The following GRK5 variants were observed in gnomAD, a reference collection of about 807,000 sequenced individuals.
GRK5 encodes the protein G protein-coupled receptor kinase 5, also known as g protein-coupled receptor kinase GRK5.
A neutral mutation model predicts 78.4 loss-of-function variants in GRK5; 40 were observed. The observed-to-expected ratio is 0.51, with a 90% CI of 0.40 to 0.66. The LOEUF (loss-of-function observed/expected upper bound fraction) is 0.66. Among genes scored for constraint, GRK5 ranks in the 30% least tolerant of loss-of-function variants. GRK5 has a pLI of 0.00. For synonymous variants in GRK5, 289 were observed against 296.8 expected, an observed-to-expected ratio of 0.97 and a Z score of 0.27; for missense variants, 598 against 759.9, an observed-to-expected ratio of 0.79 and a Z score of 2.50.
rs566522845 is a variant in GRK5, at chr10:119,383,918, C to T, written c.261+2991C>T. Among the ~76,000 whole-genome samples, 12 of 152,282 alleles carry T rather than the reference C, an allele frequency of 7.9e-5. No individual in the cohort carries two copies. The South Asian group carries it at 2.5e-3, about 32-fold the overall frequency. On this transcript the variant is annotated intron_variant, in intron 3 of 15. Coordinates refer to ENST00000392870, the MANE Select transcript of GRK5 (RefSeq NM_005308.3). ...TACCACTAGGCCATCGATTCTAGCACCTATTGGCATTTTTCAAAGCTCCCA... is the reference window on the plus strand; with the variant it reads ...TACCACTAGGCCATCGATTCTAGCATCTATTGGCATTTTTCAAAGCTCCCA...
intron 1 of GRK5, among the ~76,000 whole-genome samples, chr10:119,223,739 G>T (rs921694569): frequency 6.7e-6 from 1 of 149,696 alleles, no homozygotes; most frequent in Non-Finnish European, 1.5e-5. Context: ...ATATATATTA[G>T]ATAGGCTTCT....
intron 1 of GRK5, among the ~76,000 whole-genome samples, chr10:119,254,217 G>C (rs915915419): frequency 2.0e-5 from 3 of 149,012 alleles, no homozygotes; most frequent in African/African-American, 7.4e-5. Context: ...TCTTGGCCCA[G>C]TGGCTTGTTT....
intron 2 of GRK5, among the ~76,000 whole-genome samples, chr10:119,371,619 A>G (rs1344045775): frequency 6.6e-6 from 1 of 152,150 alleles, no homozygotes; most frequent in Non-Finnish European, 1.5e-5. Flanking sequence ...GCAGGCTGGC[A>G]TGGCCCTGCC....
chr10:119,212,474 C>T (rs1848504068), intron 1 of GRK5, among the ~76,000 whole-genome samples: 1 of 152,174 alleles, frequency 6.6e-6, no homozygotes, highest in South Asian at 2.1e-4. Context: ...TGGATCTGGG[C>T]TGAAGACTTC....
chr10:119,361,190 A>G (rs1022757941), intron 2 of GRK5, among the ~76,000 whole-genome samples: 5 of 152,206 alleles, frequency 3.3e-5, no homozygotes, highest in African/African-American at 1.2e-4. Flanking sequence ...TCCACTCTAC[A>G]GTGGAATGAA....
rs1336212199 is a variant in GRK5, at chr10:119,380,872, A to C, written c.206A>C (p.Gln69Pro). 1.2e-6 allele frequency: 2 copies of C among 1,613,646 alleles called. No individual in the cohort carries two copies. The highest frequency in any genetic ancestry group is 2.2e-5 in the South Asian group (2 of 91,062). The change falls in exon 3 of 16, where the codon CAG becomes CCG. Residue 69 changes from glutamine to proline, a missense_variant. Physicochemically the swap from Gln to Pro is moderately conservative, Grantham distance 76. Coordinates refer to ENST00000392870, the MANE Select transcript of GRK5 (RefSeq NM_005308.3). ...KQPIGRLLFR[Q>P]FCETRPGLEC... ...CCAATCGGGAGGCTGCTTTTCCGGC[A>C]GTTTTGTGAAACCAGGCCTGGGCTG...
chr10:119,360,640 T>TTGTGAGTGGGAGGAGACTG (rs1554911667), intron 2 of GRK5, among the ~76,000 whole-genome samples: 1 of 149,998 alleles, frequency 6.7e-6, no homozygotes, highest in African/African-American at 2.5e-5. Flanking sequence ...GGGAAGAGAC[T>TTGTGAGTGGGAGGAGACTG]TGTGAGTGGG....
intron 1 of GRK5, among the ~76,000 whole-genome samples, chr10:119,254,257 G>C (rs1849245862): frequency 6.6e-6 from 1 of 152,200 alleles, no homozygotes; most frequent in African/African-American, 2.4e-5. Context: ...GGGCCAGAGA[G>C]GACCTATGAC....
intron 1 of GRK5, among the ~76,000 whole-genome samples, chr10:119,277,951 C>A (rs1849695988): frequency 6.6e-6 from 1 of 152,192 alleles, no homozygotes; most frequent in Non-Finnish European, 1.5e-5. Context: ...TGAGTAGTGA[C>A]CCACTGTATC....
At chr10:119,309,265 C>T (rs776799650) in intron 1 of GRK5, among the ~76,000 whole-genome samples, 2 of 152,236 alleles carry the variant, frequency 1.3e-5, no homozygotes, top group East Asian at 1.9e-4. Flanking sequence ...GGGTCAGTGC[C>T]GCCCACGAGC....
At position 119,439,734 on chromosome 10, in the gene GRK5, T is replaced by C. The variant is rs1305513926; in HGVS notation, c.933T>C (p.Asp311=). The C allele has an allele frequency of 1.9e-6, 3 of 1,614,062 alleles. No individual in the cohort carries two copies. Among genetic ancestry groups the C allele is most frequent in the Non-Finnish European group, 2.5e-6 (3 of 1,179,968 alleles). Residue 311 remains aspartate (D), a synonymous_variant, in exon 10 of 16, where the codon GAT becomes GAC. Transcript: ENST00000392870. ...DLHRENTVYR[D]LKPENILLDD... is the part of the protein sequence containing the mutation. ...TGCTTGTTGTTTTTCCTTTCAGAGA[T>C]CTGAAACCTGAAAACATCCTGTTAG...
chr10:119,356,929 C>T (rs61874543), intron 2 of GRK5, among the ~76,000 whole-genome samples: 2 of 152,258 alleles, frequency 1.3e-5, no homozygotes, highest in African/African-American at 4.8e-5. Flanking sequence ...TCTTTAGCAA[C>T]TGACCAGTGC....
intron 12 of GRK5, among the ~76,000 whole-genome samples, chr10:119,446,356 T>A (rs1197079056): frequency 6.6e-6 from 1 of 152,168 alleles, no homozygotes; most frequent in African/African-American, 2.4e-5. Context: ...ATGAGGAGAT[T>A]TCATGTAATA....
At chr10:119,342,783 G>A (rs532952487) in intron 2 of GRK5, among the ~76,000 whole-genome samples, 6 of 152,302 alleles carry the variant, frequency 3.9e-5, no homozygotes, top group East Asian at 3.9e-4. Flanking sequence ...TCTTGGCAGC[G>A]CAGGCTGGGC....
intron 11 of GRK5, 41 bp downstream of exon 11, chr10:119,442,129 AC>A (rs1853049379): frequency 1.3e-6 from 2 of 1,538,258 alleles, no homozygotes; most frequent in Admixed American, 1.7e-5. Flanking sequence ...CTTGAGACCC[AC>A]CACCTGCTCA....
In GRK5 at chr10:119,221,263, G is replaced by T. The variant is rs187868876; in HGVS notation, c.52+13294G>T. 5.9e-3 allele frequency among the ~76,000 whole-genome samples: 899 copies of T among 152,312 alleles called. 5 individuals are homozygous for T. The highest frequency in any genetic ancestry group is 7.7e-3 in the Non-Finnish European group (524 of 68,032). ...AGAAATAATTAGCGTCAGCATGTAG[G>T]TGAACGTTTTCCCAAATCTCTGTAT... is the stretch of plus-strand genomic sequence containing the variant. On this transcript the variant is annotated intron_variant, in intron 1 of 15. Transcript: ENST00000392870.
chr10:119,260,488 G>A (rs1346448049), intron 1 of GRK5, among the ~76,000 whole-genome samples: 2 of 150,780 alleles, frequency 1.3e-5, no homozygotes, highest in Non-Finnish European at 3.0e-5. Flanking sequence ...CAATAGTGGA[G>A]GGAAGGTCAG....
chr10:119,333,982 C>A, intron 2 of GRK5: 1 of 396,206 alleles, frequency 2.5e-6, no homozygotes. Flanking sequence ...CCCTGAGGGC[C>A]TGGACCACAG....
intron 8 of GRK5, among the ~76,000 whole-genome samples, chr10:119,433,499 A>G (rs1380406214): frequency 6.7e-6 from 1 of 149,356 alleles, no homozygotes; most frequent in Non-Finnish European, 1.5e-5. Flanking sequence ...CCACGATGTC[A>G]CCTCCTGGAT....
Sources: gnomAD v4.1 joint callset for allele counts (sites outside exome capture counted in the v4.1 genomes callset) on GRCh38, gnomAD v4.1.1 for gene constraint, MANE v1.5 for transcripts, NCBI Gene and HGNC (gene_info 2026-07-23, HGNC 2026-07-21) for gene names.